TAF2: variants seen among roughly 807,000 people sequenced by gnomAD.
TAF2 encodes TATA-box binding protein associated factor 2.
In TAF2, 61 loss-of-function variants were observed where a neutral mutation model predicts 138.5. The ratio of observed to expected loss-of-function variants is 0.44; its 90% CI spans 0.36 to 0.54. The LOEUF is 0.54. TAF2 is among the 20% of genes least tolerant of loss of function. The pLI, the probability that TAF2 is intolerant of heterozygous loss-of-function variation, is 0.00. For synonymous variants in TAF2, 475 were observed against 469.9 expected (o/e 1.01, Z -0.14); for missense variants, 1,090 against 1,427.9 (o/e 0.76, Z 3.81).
chr8:119,816,886 C>T (rs1042819423), intron 3 of TAF2, among the ~76,000 whole-genome samples: 15 of 152,286 alleles, frequency 9.8e-5, no homozygotes, highest in African/African-American at 2.6e-4. Context: ...ATCCTTCATG[C>T]GAATTTCATT....
rs1383348170 is a variant in TAF2 at position 119,803,901 on chromosome 8, A to G, written c.537T>C (p.Ser179=). ...ACCTTGTAGAATTTTGATACCCACA[A>G]GAGAAAACATGAGCACCTCTCTCTG... ...SMAERGAHVF[S]CGYQNSTRFW... Residue 179 remains serine (S), a synonymous_variant, in exon 5 of 26, where the codon TCT becomes TCC. Coordinates refer to ENST00000378164, the MANE Select transcript of TAF2 (RefSeq NM_003184.4). 1 of 1,613,972 alleles carries G rather than the reference A, an allele frequency of 6.2e-7. No homozygotes were observed. The highest frequency in any genetic ancestry group is 1.1e-5 in the South Asian group (1 of 91,060).
At chr8:119,740,558 A>G (rs1440632248) in intron 25 of TAF2, among the ~76,000 whole-genome samples, 6 of 148,604 alleles carry the variant, frequency 4.0e-5, no homozygotes, top group African/African-American at 1.5e-4. Context: ...CCAGCTACTT[A>G]GGAAGCTGAG....
Position 119,757,221 on chromosome 8 carries a change from T to C in TAF2, c.2768+852A>G, listed in dbSNP as rs997483746. Among the ~76,000 whole-genome samples, 10 of 152,314 alleles carry C rather than the reference T, an allele frequency of 6.6e-5. No homozygotes were observed. The East Asian group carries it at 1.9e-3, about 29-fold the overall frequency. On this transcript the variant is annotated intron_variant, in intron 21 of 25. Transcript: ENST00000378164. Reference sequence around the variant, plus strand: ...GTAGATTCTAACATCCTCTTGTGCTTTGAAATTTAAGACTGTGTAAAATAA... The same window carrying C: ...GTAGATTCTAACATCCTCTTGTGCTCTGAAATTTAAGACTGTGTAAAATAA...
intron 2 of TAF2, among the ~76,000 whole-genome samples, chr8:119,820,434 T>C (rs922444411): frequency 2.0e-5 from 3 of 152,184 alleles, no homozygotes; most frequent in African/African-American, 7.2e-5. Flanking sequence ...CACTAGATAC[T>C]TTCCTATGTT....
intron 10 of TAF2, 97 bp from the exon 11 acceptor site, chr8:119,791,556 C>G: frequency 7.1e-7 from 1 of 1,401,538 alleles, no homozygotes; most frequent in Non-Finnish European, 9.7e-7. Flanking sequence ...CAAAAAACCT[C>G]AGGAGAATAT....
chr8:119,742,398 TC>T, intron 25 of TAF2, 135 bp downstream of exon 25: 1 of 1,059,340 alleles, frequency 9.4e-7, no homozygotes, highest in Non-Finnish European at 1.4e-6. Flanking sequence ...CAATATAAGC[TC>T]AATGTATTAC....
Position 119,789,599 on chromosome 8 carries a change from G to A in TAF2, c.1561C>T (p.Gln521Ter). The change falls in exon 12 of 26, where the codon CAG (glutamine) becomes TAG (stop). Residue 521 changes from glutamine to a stop codon, truncating the protein, a stop_gained. Coordinates refer to ENST00000378164, the MANE Select transcript of TAF2 (RefSeq NM_003184.4). LOFTEE classifies it high-confidence loss of function. ...TGCTATTGAAAAGGATACACCCACT[G>A]CTTTATTAACGGCTGAATATCTTTG... ...SGKDIQPLIKQWVDQSGVVKF... is the reference protein window; with the variant it reads ...SGKDIQPLIK 6.2e-7 allele frequency: 1 copy of A among 1,613,398 alleles called. No homozygotes were observed. The highest frequency in any genetic ancestry group is 8.5e-7 in the Non-Finnish European group (1 of 1,179,848).
chr8:119,758,203 G>A, intron 20 of TAF2, 61 bp from the exon 21 acceptor site: 1 of 1,377,748 alleles, frequency 7.3e-7, no homozygotes, highest in Non-Finnish European at 1.0e-6. Flanking sequence ...TGAATAATGA[G>A]TGACAAGCAG....
chr8:119,764,277 C>T (rs1412308950), intron 18 of TAF2, among the ~76,000 whole-genome samples: 1 of 152,088 alleles, frequency 6.6e-6, no homozygotes, highest in Non-Finnish European at 1.5e-5. Flanking sequence ...TTAGTGTTAC[C>T]TATTGTAGTT....
rs760838591 is a variant in TAF2 at position 119,806,422 on chromosome 8, A to C, written c.300-21T>G. ...TTCTCCTGGGGAAAAAAAAGAGCCA[A>C]CTTTTAATAATAAGCCATGTATCTT... is the stretch of plus-strand genomic sequence containing the variant. On this transcript the variant is annotated intron_variant, in intron 3 of 25. Transcript: ENST00000378164. The C allele has an allele frequency of 6.4e-7, 1 of 1,564,360 alleles. No homozygotes were observed. Among genetic ancestry groups the C allele is most frequent in the Non-Finnish European group, 8.8e-7 (1 of 1,135,980 alleles).
rs1222626732 is a variant in TAF2 at position 119,801,806 on chromosome 8, T to C, written c.780A>G (p.Pro260=). 7.4e-6 allele frequency: 12 copies of C among 1,613,844 alleles called. No homozygotes were observed. In the Admixed American group the frequency reaches 1.0e-4, roughly 13 times the overall value. The change falls in exon 6 of 26, where the codon CCA becomes CCG. Residue 260 remains proline, a synonymous_variant. Coordinates refer to ENST00000378164, the MANE Select transcript of TAF2 (RefSeq NM_003184.4). ...AIGPFEILVD[P]YMHEVTHFCL... is the part of the protein sequence containing the mutation. ...AGCTCTGACTTACCTCATGCATGTA[T>C]GGATCTACCAGTATTTCAAATGGTC... is the stretch of plus-strand genomic sequence containing the variant.
intron 25 of TAF2, among the ~76,000 whole-genome samples, chr8:119,734,169 A>C (rs1819065158): frequency 6.6e-6 from 1 of 152,158 alleles, no homozygotes; most frequent in Admixed American, 6.5e-5. Context: ...TGGTCTTCCT[A>C]AACAAAGCTG....
rs773418372 is a variant in TAF2 at position 119,731,978 on chromosome 8, A to C, written c.3546T>G (p.Thr1182=). Residue 1182 remains threonine, a synonymous_variant, in exon 26 of 26, where the codon ACT becomes ACG. Coordinates refer to ENST00000378164, the MANE Select transcript of TAF2 (RefSeq NM_003184.4). ...ACCTGCCACTGGCAGGGCTGGAGAAAGTGAAAGGCTCCTTGTCCTTTTCTT... is the reference window on the plus strand; with the variant it reads ...ACCTGCCACTGGCAGGGCTGGAGAACGTGAAAGGCTCCTTGTCCTTTTCTT... ...DSKEKDKEPF[T]FSSPASGRSI... is the part of the protein sequence containing the mutation. 6.2e-7 allele frequency: 1 copy of C among 1,614,192 alleles called. No individual in the cohort carries two copies. The highest frequency in any genetic ancestry group is 1.1e-5 in the South Asian group (1 of 91,090).
intron 2 of TAF2, among the ~76,000 whole-genome samples, chr8:119,829,741 G>C (rs1383813058): frequency 6.6e-6 from 1 of 152,036 alleles, no homozygotes; most frequent in Non-Finnish European, 1.5e-5. Flanking sequence ...CAGGTGGAAG[G>C]GGGAATGAAA....
intron 20 of TAF2, among the ~76,000 whole-genome samples, chr8:119,759,484 TTA>T (rs1422505002): frequency 6.6e-6 from 1 of 152,142 alleles, no homozygotes; most frequent in East Asian, 1.9e-4. Context: ...TTTAAGTTTT[TTA>T]CTCCTCTCAT....
intron 18 of TAF2, among the ~76,000 whole-genome samples, chr8:119,775,477 C>T (rs1015971416): frequency 2.6e-5 from 4 of 151,664 alleles, no homozygotes; most frequent in East Asian, 2.0e-4. Context: ...CCGAGGCAGG[C>T]GAATCACTTG....
At chr8:119,789,821 A>C in intron 11 of TAF2, 75 bp from the exon 12 acceptor site, 1 of 1,415,120 alleles carries the variant, frequency 7.1e-7, no homozygotes. Flanking sequence ...ACTTTGCATT[A>C]TAACTTTATT....
chr8:119,736,093 G>A (rs1312978252), intron 25 of TAF2, among the ~76,000 whole-genome samples: 1 of 152,168 alleles, frequency 6.6e-6, no homozygotes. Context: ...CATTATGTTG[G>A]AACCTGTACT....
At chr8:119,787,193 AAAGTTAC>A (rs1211956260) in intron 14 of TAF2, among the ~76,000 whole-genome samples, 1 of 152,196 alleles carries the variant, frequency 6.6e-6, no homozygotes, top group Admixed American at 6.5e-5. Flanking sequence ...CAAGGAACTT[AAAGTTAC>A]AAGAGAAAAA....
Sources: allele counts gnomAD v4.1 joint callset (sites outside exome capture counted in the v4.1 genomes callset), GRCh38; gene constraint gnomAD v4.1.1; transcripts MANE v1.5; gene names NCBI Gene and HGNC (gene_info 2026-07-23, HGNC 2026-07-21).